SOX5: variants seen among roughly 807,000 people sequenced by gnomAD.
SOX5 encodes the protein transcription factor SOX-5.
Under a neutral mutation model 92.0 loss-of-function variants are expected in SOX5, and 9 were observed. The ratio of observed to expected loss-of-function variants is 0.10; its 90% CI spans 0.06 to 0.17. SOX5 has a LOEUF of 0.17. Ranked by LOEUF, SOX5 falls within the 10% of genes least tolerant of loss-of-function variation. SOX5 has a pLI of 1.00. For synonymous variants in SOX5, 344 were observed against 336.3 expected, an observed-to-expected ratio of 1.02 and a Z score of -0.25; for missense variants, 642 against 944.5, an observed-to-expected ratio of 0.68 and a Z score of 4.20.
intron 8 of SOX5, among the ~76,000 whole-genome samples, chr12:23,620,196 G>A (rs1366853068): frequency 6.6e-6 from 1 of 152,076 alleles, no homozygotes; most frequent in Non-Finnish European, 1.5e-5. Flanking sequence ...CGTGCTGGGA[G>A]GAAACATGAC....
chr12:24,487,961 T>C (rs7970281), intron 1 of SOX5, among the ~76,000 whole-genome samples: 4,546 of 152,192 alleles, frequency 0.03, 81 homozygotes, highest in African/African-American at 0.055. Context: ...AGTTCTCATC[T>C]CTCTTCCGTA....
At chr12:24,497,834 TG>T (rs368901625) in intron 1 of SOX5, among the ~76,000 whole-genome samples, 11 of 152,146 alleles carry the variant, frequency 7.2e-5, no homozygotes, top group African/African-American at 2.7e-4. Context: ...ATAAAGAAAA[TG>T]TGGTACATAT....
chr12:23,850,245 A>C (rs1444623248), intron 2 of SOX5, among the ~76,000 whole-genome samples: 1 of 151,968 alleles, frequency 6.6e-6, no homozygotes, highest in Non-Finnish European at 1.5e-5. Flanking sequence ...CCTGGCCAAC[A>C]TGGTGAAACC....
chr12:23,740,378 G>A (rs537412040), intron 5 of SOX5, among the ~76,000 whole-genome samples: 1 of 151,598 alleles, frequency 6.6e-6, no homozygotes, highest in African/African-American at 2.4e-5. Flanking sequence ...TCATCTCTTT[G>A]TCCACGGTCA....
intron 2 of SOX5, among the ~76,000 whole-genome samples, chr12:24,286,396 C>T (rs1338089190): frequency 1.3e-5 from 2 of 152,134 alleles, no homozygotes; most frequent in East Asian, 3.8e-4. Context: ...GGAGAAGATA[C>T]ATTCAGTTTG....
In SOX5 at chr12:23,536,457, C is replaced by G; in HGVS notation, c.1984G>C (p.Val662Leu). 1 of 1,613,454 alleles carries G rather than the reference C, an allele frequency of 6.2e-7. No homozygotes were observed. Among genetic ancestry groups the G allele is most frequent in the Non-Finnish European group, 8.5e-7 (1 of 1,179,580 alleles). ...RRQEMRQYFN[V>L]GQQAQIPIAT... ...AAATGACTAAAAGGTACATACCCAA[C>G]ATTGAAGTACTGCCGCATTTCCTGC... The change falls in exon 14 of 15, where the codon GTT becomes CTT. Residue 662 changes from valine (V) to leucine (L), a missense_variant. Physicochemically the swap from Val to Leu is conservative, Grantham distance 32. Coordinates refer to ENST00000451604, the MANE Select transcript of SOX5 (RefSeq NM_006940.6).
rs1486958126 is a variant in SOX5, at chr12:23,602,879, CTGT to C, written c.1164+1505_1164+1507del. ...ATTACCAGTTTTAAAAACTTACATG[CTGT>C]TGTGATTATAAAGAAAAGCAGACCA... On this transcript the variant is annotated intron_variant, in intron 9 of 14. Coordinates refer to ENST00000451604, the MANE Select transcript of SOX5 (RefSeq NM_006940.6). Among the ~76,000 whole-genome samples the C allele has an allele frequency of 2.6e-5, 4 of 151,920 alleles. No homozygotes were observed. In the East Asian group the frequency reaches 7.7e-4, roughly 29 times the overall value.
chr12:24,299,014 T>A (rs1181092398), intron 2 of SOX5, among the ~76,000 whole-genome samples: 2 of 152,256 alleles, frequency 1.3e-5, no homozygotes, highest in East Asian at 3.9e-4. Context: ...TGGGTCTATG[T>A]GTGAGAATGC....
chr12:23,933,428 GCTCA>G, intron 1 of SOX5, among the ~76,000 whole-genome samples: 1 of 151,640 alleles, frequency 6.6e-6, no homozygotes, highest in East Asian at 1.9e-4. Flanking sequence ...CATTGTAAGT[GCTCA>G]ATAAATATTT....
intron 1 of SOX5, among the ~76,000 whole-genome samples, chr12:24,429,650 A>ACACACACACACAC (rs998939759): frequency 1.3e-5 from 2 of 151,528 alleles, no homozygotes; most frequent in South Asian, 2.1e-4. Context: ...ACACACACAC[A>ACACACACACACAC]CCCCATGAGC....
intron 1 of SOX5, among the ~76,000 whole-genome samples, chr12:23,925,102 G>C (rs1283446107): frequency 6.6e-6 from 1 of 151,986 alleles, no homozygotes; most frequent in Non-Finnish European, 1.5e-5. Flanking sequence ...ATAGGTATGA[G>C]ATTTTATAAC....
intron 3 of SOX5, among the ~76,000 whole-genome samples, chr12:24,273,097 ATGGTGACATGTGCCTGTTAAGCG>A (rs928598433): frequency 2.0e-5 from 3 of 152,114 alleles, no homozygotes; most frequent in East Asian, 1.9e-4. Flanking sequence ...TCAGCCAAGC[ATGGTGACATGTGCCTGTTAAGCG>A]TGGTGACATG....
At chr12:23,594,621 G>A (rs1952076536) in intron 9 of SOX5, among the ~76,000 whole-genome samples, 2 of 152,096 alleles carry the variant, frequency 1.3e-5, no homozygotes, top group Non-Finnish European at 1.5e-5. Context: ...ACAATAGCTA[G>A]ATAAGTAGTG....
At chr12:23,906,179 A>G (rs2097291475) in intron 1 of SOX5, among the ~76,000 whole-genome samples, 1 of 152,328 alleles carries the variant, frequency 6.6e-6, no homozygotes, top group African/African-American at 2.4e-5. Context: ...ATTAATCGCA[A>G]ACTGAAAAAT....
intron 4 of SOX5, among the ~76,000 whole-genome samples, chr12:24,150,439 G>A (rs1951539961): frequency 6.6e-6 from 1 of 152,096 alleles, no homozygotes; most frequent in Admixed American, 6.6e-5. Context: ...AGTGAAAATG[G>A]TGAGTGAAAA....
Position 24,371,522 on chromosome 12 carries a change from C to T in SOX5, c.-250-2883G>A, listed in dbSNP as rs114049831. Among the ~76,000 whole-genome samples, 359 of 152,290 alleles carry T rather than the reference C, an allele frequency of 2.4e-3. 4 individuals carry two copies. Among genetic ancestry groups the T allele is most frequent in the African/African-American group, 8.1e-3 (337 of 41,564 alleles). ...ATAATTTGTTATACAGGATCACAGG[C>T]TTCTGCAAGTCTTATATCAACTTCT... On this transcript the variant is annotated intron_variant, in intron 1 of 4. Coordinates refer to the SOX5 transcript ENST00000446891.
At chr12:24,047,428 CATGATGAA>C (rs1465962379) in intron 4 of SOX5, among the ~76,000 whole-genome samples, 3 of 152,174 alleles carry the variant, frequency 2.0e-5, no homozygotes, top group East Asian at 1.9e-4. Context: ...TCTTGGGGAA[CATGATGAA>C]ATGATGAAAT....
At chr12:24,011,505 G>T (rs936857452) in intron 4 of SOX5, among the ~76,000 whole-genome samples, 3 of 152,174 alleles carry the variant, frequency 2.0e-5, no homozygotes, top group South Asian at 2.1e-4. Context: ...TTTCCCAAAA[G>T]AAGAAGATTC....
chr12:23,697,673 C>T (rs1371044611), intron 6 of SOX5, among the ~76,000 whole-genome samples: 1 of 152,136 alleles, frequency 6.6e-6, no homozygotes, highest in Non-Finnish European at 1.5e-5. Flanking sequence ...GCCTCAGCCT[C>T]ACGAGCAGCT....
Sources: gnomAD v4.1 joint callset for allele counts (sites outside exome capture counted in the v4.1 genomes callset) on GRCh38, gnomAD v4.1.1 for gene constraint, MANE v1.5 for transcripts, NCBI Gene and HGNC (gene_info 2026-07-23, HGNC 2026-07-21) for gene names.